Variants in DNAH8 observed in about 807,000 individuals in gnomAD.
The protein encoded by DNAH8 is axonemal beta dynein heavy chain 8.
In DNAH8, 382 loss-of-function variants were observed where a neutral mutation model predicts 562.1. The observed-to-expected ratio is 0.68, with a 90% CI of 0.63 to 0.74. DNAH8 has a LOEUF of 0.74. Among genes scored for constraint, DNAH8 ranks in the 30% least tolerant of loss-of-function variants. The pLI is 0.00. For missense variants in DNAH8, 5,203 were observed against 5,620.4 expected (o/e 0.93, Z 2.37); for synonymous variants, 1,881 against 1,919.4 (o/e 0.98, Z 0.52).
chr6:38,879,285 A>T (rs1269542042), intron 53 of DNAH8, among the ~76,000 whole-genome samples: 1 of 144,390 alleles, frequency 6.9e-6, no homozygotes, highest in Non-Finnish European at 1.5e-5. Flanking sequence ...AGAGAAAGAC[A>T]TTCCAAGAAA....
intron 11 of DNAH8, chr6:38,764,484 G>C (rs569998736): frequency 6.6e-6 from 1 of 152,300 alleles, no homozygotes; most frequent in South Asian, 2.1e-4. Flanking sequence ...GACAAAAAAG[G>C]CTTTGGATAA....
chr6:39,025,933 T>C (rs1767244091), intron 91 of DNAH8, among the ~76,000 whole-genome samples: 1 of 152,242 alleles, frequency 6.6e-6, no homozygotes, highest in African/African-American at 2.4e-5. Flanking sequence ...TTTGCAAATA[T>C]TAACTTCAAA....
At position 38,873,060 on chromosome 6, in the gene DNAH8, T is replaced by C. The variant is rs747902541; in HGVS notation, c.7392T>C (p.Asn2464=). ...GTAAGCTTCTGTTTGAAGTCCACAA[T>C]ATCGAGAACGCCTCTCCTGCCACGG... ...PSCKLLFEVH[N]IENASPATVS... Residue 2464 remains asparagine, a synonymous_variant, in exon 51 of 93, where the codon AAT becomes AAC. Coordinates refer to ENST00000327475, the MANE Select transcript of DNAH8 (RefSeq NM_001206927.2). 1 of 1,614,104 alleles carries C rather than the reference T, an allele frequency of 6.2e-7. No individual in the cohort carries two copies. The highest frequency in any genetic ancestry group is 1.1e-5 in the South Asian group (1 of 91,088).
intron 41 of DNAH8, among the ~76,000 whole-genome samples, chr6:38,853,602 C>T (rs1775940082): frequency 6.6e-6 from 1 of 152,144 alleles, no homozygotes; most frequent in African/African-American, 2.4e-5. Context: ...TACATTGAGT[C>T]TAATAGATAC....
intron 24 of DNAH8, among the ~76,000 whole-genome samples, chr6:38,808,667 A>G (rs148169861): frequency 2.6e-5 from 4 of 152,344 alleles, no homozygotes; most frequent in African/African-American, 9.6e-5. Context: ...AATGTTCACA[A>G]TAGCAAAGGC....
intron 9 of DNAH8, among the ~76,000 whole-genome samples, chr6:38,753,197 G>A (rs1333128324): frequency 6.6e-6 from 1 of 151,890 alleles, no homozygotes; most frequent in Non-Finnish European, 1.5e-5. Flanking sequence ...TTTAATATAA[G>A]AACATTTATA....
intron 26 of DNAH8, among the ~76,000 whole-genome samples, chr6:38,817,627 C>G (rs907825124): frequency 6.6e-6 from 1 of 152,246 alleles, no homozygotes; most frequent in South Asian, 2.1e-4. Flanking sequence ...GGAATTCCCC[C>G]CAGAGGGCAG....
intron 10 of DNAH8, among the ~76,000 whole-genome samples, chr6:38,759,867 C>CTA (rs1766322416): frequency 2.6e-5 from 4 of 152,148 alleles, no homozygotes; most frequent in Admixed American, 2.6e-4. Flanking sequence ...TGCCCCTTGG[C>CTA]TATACATTCC....
intron 62 of DNAH8, among the ~76,000 whole-genome samples, chr6:38,900,988 A>T (rs536574322): frequency 6.6e-6 from 1 of 151,858 alleles, no homozygotes; most frequent in Non-Finnish European, 1.5e-5. Context: ...GATGTTGAGC[A>T]CCTTTTTATC....
At chr6:38,729,201 T>A (rs1763467715) in intron 3 of DNAH8, among the ~76,000 whole-genome samples, 2 of 135,680 alleles carry the variant, frequency 1.5e-5, no homozygotes, top group Admixed American at 1.6e-4. Flanking sequence ...AAACTCCGTC[T>A]CAAAACAAAC....
chr6:38,817,323 A>G (rs1286074000), intron 26 of DNAH8, among the ~76,000 whole-genome samples: 4 of 152,208 alleles, frequency 2.6e-5, no homozygotes, highest in Non-Finnish European at 5.9e-5. Flanking sequence ...AGCCAGAGCA[A>G]CAGAGGGAGA....
intron 89 of DNAH8, among the ~76,000 whole-genome samples, chr6:39,009,581 A>G (rs963343137): frequency 7.2e-5 from 11 of 152,116 alleles, no homozygotes; most frequent in African/African-American, 2.7e-4. Flanking sequence ...GTTTTTGAGC[A>G]CTCATTACAA....
intron 17 of DNAH8, among the ~76,000 whole-genome samples, chr6:38,784,526 C>T (rs1184155946): frequency 1.3e-5 from 2 of 152,154 alleles, no homozygotes; most frequent in African/African-American, 4.8e-5. Context: ...AGCTCTTTCT[C>T]AGGACACTTA....
chr6:38,757,068 T>C (rs369017697), intron 10 of DNAH8, among the ~76,000 whole-genome samples: 2 of 152,204 alleles, frequency 1.3e-5, no homozygotes, highest in Non-Finnish European at 2.9e-5. Context: ...ATGGTATTTC[T>C]AGTTCTAGAT....
Position 38,890,771 on chromosome 6 carries a change from G to A in DNAH8, c.8583+10G>A, listed in dbSNP as rs146573461. The A allele has an allele frequency of 1.3e-6, 2 of 1,586,090 alleles. No individual in the cohort carries two copies. The highest frequency in any genetic ancestry group is 1.7e-6 in the Non-Finnish European group (2 of 1,154,858). ...GTGGCAATGGACTAAGGTACAGAAT[G>A]GTTTGTCAATAATTTTTAAAAAGGC... is the stretch of plus-strand genomic sequence containing the variant. On this transcript the variant is annotated intron_variant, in intron 58 of 92. Coordinates refer to ENST00000327475, the MANE Select transcript of DNAH8 (RefSeq NM_001206927.2).
chr6:38,840,604 A>G (rs763621259), intron 33 of DNAH8, among the ~76,000 whole-genome samples: 14 of 152,204 alleles, frequency 9.2e-5, no homozygotes, highest in Non-Finnish European at 1.9e-4. Flanking sequence ...GATCATCTGA[A>G]GACATAGTAT....
chr6:38,961,055 G>A (rs1394399731), intron 82 of DNAH8, among the ~76,000 whole-genome samples: 2 of 151,886 alleles, frequency 1.3e-5, no homozygotes, highest in African/African-American at 4.8e-5. Context: ...AATACGGTGG[G>A]CATTATCCTA....
intron 39 of DNAH8, among the ~76,000 whole-genome samples, chr6:38,852,296 C>T (rs144846090): frequency 0.02 from 3,067 of 151,942 alleles, 41 homozygotes; most frequent in Non-Finnish European, 0.029. Flanking sequence ...TGTTGGTTTC[C>T]AGGGACTTGT....
chr6:38,841,944 G>C (rs973358704), intron 33 of DNAH8, among the ~76,000 whole-genome samples: 1 of 152,062 alleles, frequency 6.6e-6, no homozygotes, highest in African/African-American at 2.4e-5. Context: ...GGCAGATCAG[G>C]GCTTAGTCAA....
Sources: allele counts gnomAD v4.1 joint callset (sites outside exome capture counted in the v4.1 genomes callset), GRCh38; gene constraint gnomAD v4.1.1; transcripts MANE v1.5; gene names NCBI Gene and HGNC (gene_info 2026-07-23, HGNC 2026-07-21).